ZFAT: variants seen among roughly 807,000 people sequenced by gnomAD.
The protein encoded by ZFAT is zinc finger and AT-hook domain containing, also known as zinc finger protein ZFAT.
Under a neutral mutation model 117.7 loss-of-function variants are expected in ZFAT, and 64 were observed. The observed-to-expected ratio is 0.54, with a 90% CI of 0.44 to 0.67. The LOEUF (loss-of-function observed/expected upper bound fraction) is 0.67, where lower values mean the gene tolerates loss of function less well. Ranked by LOEUF, ZFAT falls within the 30% of genes least tolerant of loss-of-function variation. ZFAT has a pLI of 0.00. For missense variants in ZFAT, 1,433 were observed against 1,584.5 expected, an observed-to-expected ratio of 0.90 and a Z score of 1.62; for synonymous variants, 679 against 615.0, an observed-to-expected ratio of 1.10 and a Z score of -1.54.
At chr8:134,574,962 G>A (rs945485235) in intron 10 of ZFAT, among the ~76,000 whole-genome samples, 3 of 151,302 alleles carry the variant, frequency 2.0e-5, no homozygotes, top group Admixed American at 6.6e-5. Flanking sequence ...CTATTGCACT[G>A]TGCCTTCCTA....
At chr8:134,612,846 G>T (rs1368933401) in intron 3 of ZFAT, among the ~76,000 whole-genome samples, 2 of 152,222 alleles carry the variant, frequency 1.3e-5, no homozygotes, top group Non-Finnish European at 2.9e-5. Context: ...CTCCTATAAA[G>T]CCGGAGAATG....
the ZFAT span, among the ~76,000 whole-genome samples, chr8:134,773,984 A>ATTTTTTTTTTTTTTTTTTT: frequency 5.8e-5 from 6 of 103,300 alleles, 1 homozygote; most frequent in African/African-American, 1.9e-4. Flanking sequence ...TTGAGGATTA[A>ATTTTTTTTTTTTTTTTTTT]TTTTTTTTTT....
At chr8:134,648,024 T>C (rs561004232) in intron 2 of ZFAT, among the ~76,000 whole-genome samples, 85 of 152,150 alleles carry the variant, frequency 5.6e-4, no homozygotes, top group African/African-American at 2.0e-3. Context: ...CTAAGACATA[T>C]CTTAAATGTT....
chr8:134,765,542 G>C, the ZFAT span: 1 of 152,182 alleles, frequency 6.6e-6, no homozygotes, highest in Non-Finnish European at 1.5e-5. Flanking sequence ...GACAGCGTAT[G>C]AAACTTGCCA....
chr8:134,486,695 C>T lies in ZFAT; in HGVS notation c.3493-7974G>A, dbSNP rs185441023. On this transcript the variant is annotated intron_variant, in intron 15 of 15. Transcript: ENST00000377838. ...CCTTCCGTGTTTCAGGGGAGGAGGA[C>T]GGAATGCAGAAAGCCACCAGGAGAA... 2.6e-5 allele frequency among the ~76,000 whole-genome samples: 4 copies of T among 152,192 alleles called. No homozygotes were observed. In the East Asian group the frequency reaches 5.8e-4, roughly 22 times the overall value.
rs773661092 is a variant in ZFAT at position 134,601,975 on chromosome 8, C to T, written c.1744G>A (p.Val582Ile). 35 of 1,613,816 alleles carry T rather than the reference C, an allele frequency of 2.2e-5. 1 individual carries two copies. Among genetic ancestry groups the T allele is most frequent in the Middle Eastern group, 1.7e-4 (1 of 6,060 alleles). Residue 582 changes from valine (V) to isoleucine (I), a missense_variant, in exon 6 of 16, where the codon GTC becomes ATC. This residue lies in a region of ZFAT where 372 missense variants were observed against 355.6 expected (regional missense o/e 1.05). Transcript: ENST00000377838. The stretch of plus-strand genomic sequence containing the variant: ...TGAGAATGCAGGTCTGAGGAGGAGA[C>T]CACGGTGGTTTCCAGCTCACAGGGT... Reference protein sequence around the residue: ...LPPCELETTVVSSSDLHSQEV... With the variant: ...LPPCELETTVISSSDLHSQEV...
chr8:134,500,967 A>G lies in ZFAT; in HGVS notation c.3492+8652T>C, dbSNP rs115665878. ...TTGGCAGAGGCCCGGGATCAAATAA[A>G]TTGCACTGCAGAGTTCATTAGGCAG... is the stretch of plus-strand genomic sequence containing the variant. On this transcript the variant is annotated intron_variant, in intron 15 of 15. Coordinates refer to ENST00000377838, the MANE Select transcript of ZFAT (RefSeq NM_020863.4). 3.8e-3 allele frequency among the ~76,000 whole-genome samples: 580 copies of G among 152,340 alleles called. 6 individuals are homozygous for G. The highest frequency in any genetic ancestry group is 0.013 in the African/African-American group (550 of 41,566).
chr8:134,666,630 T>C (rs1832235957), intron 1 of ZFAT, among the ~76,000 whole-genome samples: 1 of 151,600 alleles, frequency 6.6e-6, no homozygotes, highest in Non-Finnish European at 1.5e-5. Flanking sequence ...AAAACCCAAA[T>C]AAAAATTTTA....
the ZFAT span, among the ~76,000 whole-genome samples, chr8:134,730,838 A>T: frequency 1.7e-3 from 260 of 152,348 alleles, no homozygotes; most frequent in Admixed American, 3.0e-3. Context: ...AGAAGCTAGA[A>T]ATATTCTGGT....
chr8:134,563,272 C>T (rs1016768941), intron 11 of ZFAT, among the ~76,000 whole-genome samples: 1 of 152,210 alleles, frequency 6.6e-6, no homozygotes, highest in African/African-American at 2.4e-5. Context: ...ATACAAGCAA[C>T]ACCTTTCAAC....
At chr8:134,564,070 G>A (rs1016086187) in intron 11 of ZFAT, among the ~76,000 whole-genome samples, 5 of 151,920 alleles carry the variant, frequency 3.3e-5, no homozygotes, top group African/African-American at 4.8e-5. Context: ...CAGGGGAATC[G>A]CTTGAAACCA....
chr8:134,503,958 A>C (rs1170313098), intron 15 of ZFAT, among the ~76,000 whole-genome samples: 1 of 151,858 alleles, frequency 6.6e-6, no homozygotes, highest in African/African-American at 2.4e-5. Flanking sequence ...ACACACACAC[A>C]CCCCTATGAG....
At chr8:134,660,210 G>A (rs1257467869) in intron 1 of ZFAT, among the ~76,000 whole-genome samples, 1 of 152,146 alleles carries the variant, frequency 6.6e-6, no homozygotes, top group Non-Finnish European at 1.5e-5. Flanking sequence ...GCCGAGAGAG[G>A]AAAAGCAACT....
chr8:134,516,034 A>G (rs911673933), intron 13 of ZFAT, among the ~76,000 whole-genome samples: 2 of 152,246 alleles, frequency 1.3e-5, no homozygotes, highest in Non-Finnish European at 2.9e-5. Context: ...AATGAGGTTC[A>G]CACATTAGAA....
chr8:134,570,236 G>T (rs1053544468), intron 10 of ZFAT, among the ~76,000 whole-genome samples: 4 of 152,142 alleles, frequency 2.6e-5, no homozygotes, highest in Non-Finnish European at 4.4e-5. Flanking sequence ...AGTCCTTTCA[G>T]ACCATTCTGT....
intron 3 of ZFAT, among the ~76,000 whole-genome samples, chr8:134,624,943 C>A (rs1004498209): frequency 1.3e-5 from 2 of 150,616 alleles, no homozygotes; most frequent in Non-Finnish European, 3.0e-5. Context: ...CTCAGAATGC[C>A]CCAGAGAGTA....
the ZFAT span, chr8:134,793,498 G>A: frequency 1.3e-5 from 2 of 152,266 alleles, no homozygotes; most frequent in African/African-American, 4.8e-5. Flanking sequence ...GTTTTGGGAA[G>A]AAACTGTTCC....
At chr8:134,591,848 G>A (rs557026105) in intron 7 of ZFAT, among the ~76,000 whole-genome samples, 31 of 152,182 alleles carry the variant, frequency 2.0e-4, no homozygotes, top group Admixed American at 3.9e-4. Context: ...GCCCTCAGGA[G>A]GAAGCGGCCC....
At chr8:134,576,773 G>A (rs746330566) in intron 10 of ZFAT, among the ~76,000 whole-genome samples, 1 of 152,106 alleles carries the variant, frequency 6.6e-6, no homozygotes, top group Admixed American at 6.5e-5. Context: ...GAAAAAAAGG[G>A]TACTTACTCC....
Sources: gnomAD v4.1 joint callset for allele counts (sites outside exome capture counted in the v4.1 genomes callset) on GRCh38, gnomAD v4.1.1 for gene constraint, gnomAD v4.1.1 regional missense constraint, MANE v1.5 for transcripts, NCBI Gene and HGNC (gene_info 2026-07-23, HGNC 2026-07-21) for gene names.